CASS4: variants seen among roughly 807,000 people sequenced by gnomAD.
The protein encoded by CASS4 is Cas scaffold protein family member 4, also known as cas scaffolding protein family member 4.
In CASS4, 22 loss-of-function variants were observed where a neutral mutation model predicts 54.2. That is an observed-to-expected ratio of 0.41 (90% CI 0.29 to 0.58). The LOEUF (loss-of-function observed/expected upper bound fraction) is 0.58. Ranked by LOEUF, CASS4 falls within the 20% of genes least tolerant of loss-of-function variation. The probability of loss-of-function intolerance (pLI) is 0.36; values close to 1 mark genes in which losing one functional copy is unlikely to be tolerated. For missense variants in CASS4, 854 were observed against 986.7 expected (o/e 0.87, Z 1.80); for synonymous variants, 409 against 391.5 (o/e 1.04, Z -0.53).
chr20:56,419,364 C>G (rs1335059011), intron 1 of CASS4, among the ~76,000 whole-genome samples: 1 of 152,164 alleles, frequency 6.6e-6, no homozygotes, highest in Non-Finnish European at 1.5e-5. Flanking sequence ...AAAGCATAGT[C>G]GACACTGAGA....
chr20:56,441,899 T>C (rs1227738228), intron 2 of CASS4, among the ~76,000 whole-genome samples: 36 of 152,336 alleles, frequency 2.4e-4, no homozygotes, highest in Admixed American at 2.3e-3. Flanking sequence ...CTAGAAGAAC[T>C]TGAAGACCAG....
intron 2 of CASS4, among the ~76,000 whole-genome samples, chr20:56,439,461 A>G (rs1305841753): frequency 6.6e-6 from 1 of 151,904 alleles, no homozygotes; most frequent in Non-Finnish European, 1.5e-5. Context: ...GCTTGAGCCC[A>G]GGAGTTTGAG....
intron 1 of CASS4, among the ~76,000 whole-genome samples, chr20:56,423,606 G>A (rs1052933229): frequency 1.1e-4 from 17 of 152,078 alleles, no homozygotes; most frequent in African/African-American, 3.4e-4. Context: ...ATGCAGTGGC[G>A]CAATCTCAGC....
chr20:56,447,028 T>C (rs1467993960), intron 3 of CASS4, among the ~76,000 whole-genome samples: 1 of 151,920 alleles, frequency 6.6e-6, no homozygotes, highest in Non-Finnish European at 1.5e-5. Flanking sequence ...GCCAACATGG[T>C]GAAACCCCGT....
chr20:56,433,102 G>A (rs908351551), intron 1 of CASS4, among the ~76,000 whole-genome samples: 1 of 152,198 alleles, frequency 6.6e-6, no homozygotes, highest in Admixed American at 6.5e-5. Context: ...AGAGGGTGTG[G>A]CCCTCGCTCT....
At chr20:56,424,299 C>A (rs1979539919) in intron 1 of CASS4, among the ~76,000 whole-genome samples, 1 of 152,182 alleles carries the variant, frequency 6.6e-6, no homozygotes, top group Admixed American at 6.5e-5. Context: ...GTTTAATCTA[C>A]CTGCAAATTC....
intron 2 of CASS4, 42 bp from the exon 3 acceptor site, chr20:56,445,858 G>A: frequency 1.4e-6 from 2 of 1,438,842 alleles, no homozygotes; most frequent in Non-Finnish European, 2.0e-6. Context: ...GATCATCAGA[G>A]TGACATTTCC....
intron 1 of CASS4, among the ~76,000 whole-genome samples, chr20:56,422,890 C>G (rs1447860363): frequency 6.6e-6 from 1 of 152,180 alleles, no homozygotes; most frequent in East Asian, 1.9e-4. Flanking sequence ...CCAAGTTCAC[C>G]CGGTTCATTC....
intron 5 of CASS4, among the ~76,000 whole-genome samples, chr20:56,454,851 G>C (rs900111145): frequency 6.6e-5 from 10 of 152,184 alleles, no homozygotes; most frequent in African/African-American, 2.4e-4. Context: ...ATGGGCGAGA[G>C]TTCGTTTTTG....
At chr20:56,429,640 G>A (rs1384223361) in intron 1 of CASS4, among the ~76,000 whole-genome samples, 2 of 151,332 alleles carry the variant, frequency 1.3e-5, no homozygotes, top group Non-Finnish European at 2.9e-5. Flanking sequence ...ACTCACACAC[G>A]CCCCCTCACC....
At chr20:56,453,595 A>C (rs552726544) in intron 5 of CASS4, 3 of 155,378 alleles carry the variant, frequency 1.9e-5, no homozygotes, top group African/African-American at 7.2e-5. Context: ...ACTCTTAGAA[A>C]TACTTTTCTG....
chr20:56,423,367 C>G (rs1351773244), intron 1 of CASS4, among the ~76,000 whole-genome samples: 1 of 152,064 alleles, frequency 6.6e-6, no homozygotes, highest in South Asian at 2.1e-4. Context: ...TTCCAATGCT[C>G]CCCACTATAT....
chr20:56,416,735 T>C (rs181795951), intron 1 of CASS4, among the ~76,000 whole-genome samples: 1 of 152,344 alleles, frequency 6.6e-6, no homozygotes, highest in African/African-American at 2.4e-5. Context: ...TTCTGATATT[T>C]GATTCTATTT....
intron 2 of CASS4, among the ~76,000 whole-genome samples, chr20:56,445,024 C>T (rs921906058): frequency 6.6e-6 from 1 of 151,914 alleles, no homozygotes; most frequent in Non-Finnish European, 1.5e-5. Context: ...GCAGGAGAAT[C>T]GCTTGAATCC....
chr20:56,445,817 C>A, intron 2 of CASS4, 83 bp from the exon 3 acceptor site: 1 of 1,122,694 alleles, frequency 8.9e-7, no homozygotes, highest in Non-Finnish European at 1.3e-6. Flanking sequence ...GCTGTCTCTG[C>A]TTTTGGAGAG....
intron 2 of CASS4, among the ~76,000 whole-genome samples, chr20:56,443,220 G>A (rs771702297): frequency 1.7e-4 from 26 of 151,354 alleles, no homozygotes; most frequent in Non-Finnish European, 3.4e-4. Flanking sequence ...GGTGGCTCAC[G>A]CCTGTAATCC....
intron 3 of CASS4, among the ~76,000 whole-genome samples, chr20:56,446,233 T>C (rs1349325096): frequency 6.6e-6 from 1 of 152,224 alleles, no homozygotes; most frequent in Non-Finnish European, 1.5e-5. Flanking sequence ...TTTGAAATTT[T>C]TACTTTTCAT....
At chr20:56,422,248 C>CT (rs538227395) in intron 1 of CASS4, among the ~76,000 whole-genome samples, 112 of 152,310 alleles carry the variant, frequency 7.4e-4, no homozygotes, top group African/African-American at 2.6e-3. Flanking sequence ...CTCTGGAGCA[C>CT]TTTGAGTTGG....
intron 1 of CASS4, among the ~76,000 whole-genome samples, chr20:56,425,077 A>T (rs1979577386): frequency 6.6e-6 from 1 of 152,214 alleles, no homozygotes; most frequent in African/African-American, 2.4e-5. Flanking sequence ...GGCCTTGGGG[A>T]ACATGTCCCA....
Sources: gnomAD v4.1 joint callset for allele counts (sites outside exome capture counted in the v4.1 genomes callset) on GRCh38, gnomAD v4.1.1 for gene constraint, MANE v1.5 for transcripts, NCBI Gene and HGNC (gene_info 2026-07-23, HGNC 2026-07-21) for gene names.